The following SLMAP variants were observed in gnomAD, a reference collection of about 807,000 sequenced individuals.
SLMAP encodes the protein sarcolemma associated protein.
SLMAP carries 44 observed loss-of-function variants against 128.8 expected under a neutral mutation model. That is an observed-to-expected ratio of 0.34 (90% CI 0.27 to 0.44). SLMAP has a LOEUF of 0.44. Among genes scored for constraint, SLMAP ranks in the 20% least tolerant of loss-of-function variants. SLMAP has a pLI of 1.00. For missense variants in SLMAP, 787 were observed against 985.3 expected, an observed-to-expected ratio of 0.80 and a Z score of 2.69; for synonymous variants, 327 against 348.8, an observed-to-expected ratio of 0.94 and a Z score of 0.70.
Position 57,906,531 on chromosome 3 carries a change from G to A in SLMAP, c.1502-1353G>A, listed in dbSNP as rs181189463. ...GGGGTTTCCACATGTTGCCCAGGCT[G>A]GTCTCAAACTCCTGACCTCAAGTGA... On this transcript the variant is annotated intron_variant, in intron 17 of 24. Transcript: ENST00000671191. 4.1e-3 allele frequency among the ~76,000 whole-genome samples: 609 copies of A among 148,172 alleles called. 5 individuals are homozygous for A. Among genetic ancestry groups the A allele is most frequent in the African/African-American group, 0.015 (592 of 40,620 alleles).
In SLMAP at chr3:57,765,593, A is replaced by G. The variant is rs889528297; in HGVS notation, c.198+7744A>G. Among the ~76,000 whole-genome samples, 3 of 152,308 alleles carry G rather than the reference A, an allele frequency of 2.0e-5. 1 individual carries two copies. The South Asian group carries it at 6.2e-4, about 32-fold the overall frequency. On this transcript the variant is annotated intron_variant, in intron 2 of 24. Coordinates refer to ENST00000671191, the MANE Select transcript of SLMAP (RefSeq NM_001377540.1). ...ATCTAAACATGACCACAAAGATCCT[A>G]GCCTCAGCTTTTGGGAGAATGGCAG...
At chr3:57,790,148 G>A (rs959400802) in intron 2 of SLMAP, among the ~76,000 whole-genome samples, 10 of 152,132 alleles carry the variant, frequency 6.6e-5, no homozygotes, top group Admixed American at 5.2e-4. Context: ...ATCATGTTCT[G>A]AGTTCTTAAA....
At chr3:57,848,294 C>A (rs1166455125) in intron 5 of SLMAP, among the ~76,000 whole-genome samples, 1 of 150,498 alleles carries the variant, frequency 6.6e-6, no homozygotes, top group Non-Finnish European at 1.5e-5. Context: ...CCTCCTCTTT[C>A]TCCTCCTCCT....
chr3:57,821,912 TTCCTCC>T (rs112836711), intron 2 of SLMAP, among the ~76,000 whole-genome samples: 2,174 of 148,756 alleles, frequency 0.015, 53 homozygotes, highest in African/African-American at 0.049. Flanking sequence ...GCAATACCTG[TTCCTCC>T]TCCTCCTCCT....
chr3:57,855,706 T>G, intron 6 of SLMAP, among the ~76,000 whole-genome samples: 1 of 125,746 alleles, frequency 8.0e-6, no homozygotes, highest in African/African-American at 3.0e-5. Flanking sequence ...GAACGCCCCA[T>G]CTGTTAAAAA....
At chr3:57,772,463 A>T (rs532978542) in intron 2 of SLMAP, among the ~76,000 whole-genome samples, 1 of 152,208 alleles carries the variant, frequency 6.6e-6, no homozygotes, top group Admixed American at 6.5e-5. Flanking sequence ...ATCGTGCCAC[A>T]GAAGTGGCGT....
At chr3:57,906,310 CTTTTTTTTTTTTT>C (rs999042505) in intron 17 of SLMAP, among the ~76,000 whole-genome samples, 9 of 47,048 alleles carry the variant, frequency 1.9e-4, no homozygotes, top group Admixed American at 5.6e-4. Flanking sequence ...CTTTTTTTTT[CTTTTTTTTTTTTT>C]TTTTTTTTTA....
intron 2 of SLMAP, among the ~76,000 whole-genome samples, chr3:57,817,396 A>G (rs1478873591): frequency 2.0e-5 from 3 of 152,158 alleles, no homozygotes; most frequent in Non-Finnish European, 2.9e-5. Flanking sequence ...GTGGCTGCTG[A>G]CTGAATTTCT....
intron 4 of SLMAP, among the ~76,000 whole-genome samples, chr3:57,842,655 T>C (rs2093994368): frequency 6.6e-6 from 1 of 152,198 alleles, no homozygotes; most frequent in South Asian, 2.1e-4. Flanking sequence ...GTAGAACTTG[T>C]AAATTTTTTC....
chr3:57,777,475 A>G (rs2082165627), intron 2 of SLMAP, among the ~76,000 whole-genome samples: 1 of 152,078 alleles, frequency 6.6e-6, no homozygotes. Context: ...AGTCCCAGCT[A>G]CTTGGGGGCT....
At chr3:57,791,915 CAG>C (rs1303622043) in intron 2 of SLMAP, among the ~76,000 whole-genome samples, 1 of 152,016 alleles carries the variant, frequency 6.6e-6, no homozygotes, top group Non-Finnish European at 1.5e-5. Context: ...AAATCAAAAA[CAG>C]TATTAAAATG....
At chr3:57,838,295 A>G (rs73088369) in intron 3 of SLMAP, among the ~76,000 whole-genome samples, 3,401 of 152,344 alleles carry the variant, frequency 0.022, 77 homozygotes, top group South Asian at 0.052. Context: ...CTCATTTATC[A>G]TAAGAGAGAG....
intron 3 of SLMAP, among the ~76,000 whole-genome samples, chr3:57,832,691 T>A (rs1359042906): frequency 1.3e-5 from 2 of 152,164 alleles, no homozygotes; most frequent in Non-Finnish European, 2.9e-5. Context: ...ATAATGCTGA[T>A]GATGCTGGTG....
At chr3:57,873,143 A>G (rs2095522595) in intron 14 of SLMAP, among the ~76,000 whole-genome samples, 1 of 152,232 alleles carries the variant, frequency 6.6e-6, no homozygotes. Flanking sequence ...TATAATATTA[A>G]GTATAAGTTG....
rs751003475 is a variant in SLMAP at position 57,897,051 on chromosome 3, C to T, written c.1501+119C>T. ...TTTAGTTAAGAGATTAAGATAGGTT[C>T]TGTAAAGTAGCAGGGACTAAAAATT... On this transcript the variant is annotated intron_variant, in intron 17 of 24. Transcript: ENST00000671191. 12 of 1,485,342 alleles carry T rather than the reference C, an allele frequency of 8.1e-6. No individual in the cohort carries two copies. In the African/African-American group the frequency reaches 1.1e-4, roughly 14 times the overall value. 92.0% of individuals were successfully genotyped at this position (1,485,342 alleles called of 1,614,324 possible).
At chr3:57,886,205 G>A (rs144346129) in intron 14 of SLMAP, among the ~76,000 whole-genome samples, 2,054 of 151,296 alleles carry the variant, frequency 0.014, 52 homozygotes, top group African/African-American at 0.045. Flanking sequence ...CCAGGTTGAA[G>A]CAATTCTCCT....
intron 21 of SLMAP, among the ~76,000 whole-genome samples, chr3:57,916,407 C>T (rs935282905): frequency 5.3e-5 from 8 of 152,178 alleles, no homozygotes; most frequent in South Asian, 2.1e-4. Context: ...GTCTAGAACT[C>T]AGCCTCCTAC....
intron 2 of SLMAP, among the ~76,000 whole-genome samples, chr3:57,780,845 G>C (rs1029938699): frequency 6.6e-6 from 1 of 151,712 alleles, no homozygotes; most frequent in Non-Finnish European, 1.5e-5. Context: ...GTCTCGCTGT[G>C]TTGCCCAGGC....
intron 21 of SLMAP, 40 bp downstream of exon 21, chr3:57,913,315 C>CT (rs961911146): frequency 1.2e-6 from 1 of 844,162 alleles, no homozygotes; most frequent in African/African-American, 1.7e-5. Context: ...TAAAATATTT[C>CT]TTTATCTTAA....
Sources: gnomAD v4.1 joint callset for allele counts (sites outside exome capture counted in the v4.1 genomes callset) on GRCh38, gnomAD v4.1.1 for gene constraint, MANE v1.5 for transcripts, NCBI Gene and HGNC (gene_info 2026-07-23, HGNC 2026-07-21) for gene names.